HORMAD2: variants seen among roughly 807,000 people sequenced by gnomAD.
The protein encoded by HORMAD2 is HORMA domain-containing protein 2.
In HORMAD2, 45 loss-of-function variants were observed where a neutral mutation model predicts 38.8. That is an observed-to-expected ratio of 1.16 (90% CI 0.91 to 1.49). The LOEUF (loss-of-function observed/expected upper bound fraction) is 1.49. Ranked by LOEUF, HORMAD2 falls within the 40% of genes most tolerant of loss-of-function variation. The pLI is 0.00. For missense variants in HORMAD2, 338 were observed against 367.0 expected (o/e 0.92, Z 0.65); for synonymous variants, 126 against 122.8 (o/e 1.03, Z -0.17).
At chr22:30,156,455 A>G (rs546417505) in intron 10 of HORMAD2, among the ~76,000 whole-genome samples, 8 of 152,272 alleles carry the variant, frequency 5.3e-5, no homozygotes, top group Non-Finnish European at 1.2e-4. Context: ...ACCAGATAAA[A>G]AAAGAAAGAT....
the HORMAD2 span, among the ~76,000 whole-genome samples, chr22:30,204,470 G>A: frequency 2.0e-5 from 3 of 152,316 alleles, no homozygotes; most frequent in East Asian, 5.8e-4. Flanking sequence ...TCTTTCAGGC[G>A]GCTGCCCTGG....
At chr22:30,181,215 C>T (rs189184357), downstream of HORMAD2, among the ~76,000 whole-genome samples, 4 of 151,716 alleles carry the variant, frequency 2.6e-5, no homozygotes, top group Non-Finnish European at 5.9e-5. Flanking sequence ...GGTTTTGCCA[C>T]GTTGCCCAGG....
chr22:30,078,636 A>AAAAAAAAAAAAAAAC, upstream of HORMAD2, among the ~76,000 whole-genome samples: 1 of 150,326 alleles, frequency 6.7e-6, no homozygotes, highest in Non-Finnish European at 1.5e-5. Flanking sequence ...AAAAAAAAAA[A>AAAAAAAAAAAAAAAC]ATTAGATTGA....
intron 10 of HORMAD2, among the ~76,000 whole-genome samples, chr22:30,133,417 A>G (rs1471883220): frequency 1.3e-5 from 2 of 150,848 alleles, no homozygotes; most frequent in Non-Finnish European, 2.9e-5. Flanking sequence ...AATTGGCCTC[A>G]TTTTCTTCTG....
At chr22:30,137,054 C>A in intron 10 of HORMAD2, 1 of 373,664 alleles carries the variant, frequency 2.7e-6, no homozygotes, top group Admixed American at 4.3e-5. Flanking sequence ...CAACACAAAA[C>A]AGACAAAGTA....
At chr22:30,118,555 T>C (rs1251069716) in intron 7 of HORMAD2, among the ~76,000 whole-genome samples, 2 of 152,252 alleles carry the variant, frequency 1.3e-5, no homozygotes, top group African/African-American at 4.8e-5. Flanking sequence ...TTTCCCCTAC[T>C]GGATTGTATG....
chr22:30,162,203 C>T (rs947293257), intron 10 of HORMAD2, among the ~76,000 whole-genome samples: 1 of 152,100 alleles, frequency 6.6e-6, no homozygotes, highest in African/African-American at 2.4e-5. Flanking sequence ...GTCCCAGGTA[C>T]TCAGGAGGCT....
the HORMAD2 span, among the ~76,000 whole-genome samples, chr22:30,203,788 G>A: frequency 2.0e-4 from 30 of 152,266 alleles, no homozygotes; most frequent in South Asian, 3.5e-3. Flanking sequence ...ATAAGTGCAC[G>A]TGCATGCATC....
At chr22:30,120,126 C>T (rs1009864595) in intron 8 of HORMAD2, among the ~76,000 whole-genome samples, 1 of 152,142 alleles carries the variant, frequency 6.6e-6, no homozygotes, top group African/African-American at 2.4e-5. Context: ...AAGAGGTAAG[C>T]TGTAAAACAA....
the HORMAD2 span, among the ~76,000 whole-genome samples, chr22:30,192,823 T>G: frequency 2.6e-5 from 4 of 152,158 alleles, no homozygotes; most frequent in Non-Finnish European, 5.9e-5. Context: ...TCTGTGTAAG[T>G]CAACATTCAT....
the HORMAD2 span, among the ~76,000 whole-genome samples, chr22:30,183,281 A>T: frequency 6.6e-6 from 1 of 152,218 alleles, no homozygotes; most frequent in Non-Finnish European, 1.5e-5. Context: ...AATGTTTTTT[A>T]ACTTACACTG....
upstream of HORMAD2, among the ~76,000 whole-genome samples, chr22:30,079,895 G>A (rs1313742552): frequency 6.6e-6 from 1 of 152,114 alleles, no homozygotes; most frequent in Non-Finnish European, 1.5e-5. Flanking sequence ...GGCCAGGCTG[G>A]TCTCGAATTC....
chr22:30,151,192 A>C (rs1273733097), intron 10 of HORMAD2, among the ~76,000 whole-genome samples: 1 of 151,890 alleles, frequency 6.6e-6, no homozygotes, highest in East Asian at 1.9e-4. Flanking sequence ...CCAAAATTTC[A>C]TTGTCACTGT....
intron 10 of HORMAD2, among the ~76,000 whole-genome samples, chr22:30,122,949 G>A (rs906569950): frequency 6.6e-6 from 1 of 152,170 alleles, no homozygotes; most frequent in Non-Finnish European, 1.5e-5. Flanking sequence ...AGGAAGGGAT[G>A]CTATAAGATC....
chr22:30,191,645 T>G, the HORMAD2 span, among the ~76,000 whole-genome samples: 1 of 152,222 alleles, frequency 6.6e-6, no homozygotes, highest in Non-Finnish European at 1.5e-5. Flanking sequence ...GTTATTACAT[T>G]GACTTATTCT....
At chr22:30,205,709 G>A in the HORMAD2 span, among the ~76,000 whole-genome samples, 1 of 152,196 alleles carries the variant, frequency 6.6e-6, no homozygotes, top group African/African-American at 2.4e-5. Context: ...AGTCTTGGGG[G>A]AGGGAGGAGA....
chr22:30,080,427 A>G (rs1937529421), upstream of HORMAD2: 3 of 152,260 alleles, frequency 2.0e-5, no homozygotes, highest in South Asian at 6.2e-4. Context: ...TCATGAGCCG[A>G]GGAGCGGGTT....
intron 2 of HORMAD2, among the ~76,000 whole-genome samples, 191 bp from the exon 3 acceptor site, chr22:30,098,661 G>T (rs1802475070): frequency 6.6e-6 from 1 of 152,166 alleles, no homozygotes; most frequent in South Asian, 2.1e-4. Context: ...AATTGTTTCT[G>T]CCTTCTGCTC....
the HORMAD2 span, among the ~76,000 whole-genome samples, chr22:30,192,747 C>T: frequency 9.6e-3 from 1,462 of 152,122 alleles, 20 homozygotes; most frequent in African/African-American, 0.034. Context: ...TGTTGAGTTC[C>T]ATTATGCCAC....
Sources: gnomAD v4.1 joint callset for allele counts (sites outside exome capture counted in the v4.1 genomes callset) on GRCh38, gnomAD v4.1.1 for gene constraint, MANE v1.5 for transcripts, NCBI Gene and HGNC (gene_info 2026-07-23, HGNC 2026-07-21) for gene names.